Variants in CDH9 observed in about 807,000 individuals in gnomAD.
CDH9 encodes the protein cadherin-9.
CDH9 carries 28 observed loss-of-function variants against 70.9 expected under a neutral mutation model. The observed-to-expected ratio is 0.40, with a 90% CI of 0.29 to 0.54. CDH9 has a LOEUF of 0.54. Ranked by LOEUF, CDH9 falls within the 20% of genes least tolerant of loss-of-function variation. CDH9 has a pLI of 0.59. For missense variants in CDH9, 874 were observed against 984.4 expected, an observed-to-expected ratio of 0.89 and a Z score of 1.50; for synonymous variants, 409 against 343.1, an observed-to-expected ratio of 1.19 and a Z score of -2.12.
Position 26,881,197 on chromosome 5 carries a change from C to A in CDH9, c.2309G>T (p.Trp770Leu), listed in dbSNP as rs1342748030. Residue 770 changes from tryptophan to leucine, a missense_variant, in exon 12 of 12, where the codon TGG becomes TTG. Trp to Leu is a moderately conservative substitution (Grantham distance 61, BLOSUM62 -2). Transcript: ENST00000231021. ...GGCAAGTTTTTTGAAACGAGGCCCCCAGTCACTGAGGTAATCATAATCTTG... is the reference window on the plus strand; with the variant it reads ...GGCAAGTTTTTTGAAACGAGGCCCCAAGTCACTGAGGTAATCATAATCTTG... ...CNQDYDYLSD[W>L]GPRFKKLADM... 8.7e-6 allele frequency: 14 copies of A among 1,613,030 alleles called. No homozygotes were observed.
At chr5:27,013,942 A>C (rs1014857984) in intron 1 of CDH9, among the ~76,000 whole-genome samples, 13 of 152,022 alleles carry the variant, frequency 8.6e-5, no homozygotes, top group African/African-American at 3.1e-4. Context: ...GAAAGCAGAA[A>C]TAAGCTTTGA....
At chr5:26,919,581 C>T (rs906175393) in intron 2 of CDH9, among the ~76,000 whole-genome samples, 8 of 152,120 alleles carry the variant, frequency 5.3e-5, no homozygotes, top group African/African-American at 1.9e-4. Flanking sequence ...TAGTGAGACA[C>T]CAACTAGGGC....
intron 1 of CDH9, among the ~76,000 whole-genome samples, chr5:27,016,676 C>T (rs915396342): frequency 1.3e-5 from 2 of 151,602 alleles, no homozygotes; most frequent in African/African-American, 4.8e-5. Context: ...TGCAAATTAT[C>T]CATAAAATAA....
chr5:27,033,139 A>G (rs1054632448), intron 1 of CDH9, among the ~76,000 whole-genome samples: 6 of 151,294 alleles, frequency 4.0e-5, no homozygotes, highest in Non-Finnish European at 8.9e-5. Flanking sequence ...ACCATTGTAG[A>G]TGGACTATAA....
intron 2 of CDH9, among the ~76,000 whole-genome samples, chr5:26,924,727 G>A (rs547387488): frequency 1.8e-4 from 27 of 151,816 alleles, no homozygotes; most frequent in Admixed American, 8.6e-4. Flanking sequence ...GACAGGCCCC[G>A]GTGTGTGATG....
intron 2 of CDH9, among the ~76,000 whole-genome samples, chr5:26,950,074 T>C (rs1284944997): frequency 6.6e-6 from 1 of 152,116 alleles, no homozygotes; most frequent in East Asian, 1.9e-4. Flanking sequence ...TTCTAATGGT[T>C]TGGATATCCC....
At chr5:26,903,566 T>A (rs1740893179) in intron 6 of CDH9, 71 bp downstream of exon 6, 1 of 998,484 alleles carries the variant, frequency 1.0e-6, no homozygotes, top group African/African-American at 1.6e-5. Flanking sequence ...CCAGGCTTTT[T>A]TTCCCTTTAC....
At chr5:26,906,660 T>A (rs1440863933) in intron 4 of CDH9, 59 bp downstream of exon 4, 2 of 1,552,902 alleles carry the variant, frequency 1.3e-6, no homozygotes, top group East Asian at 2.3e-5. Flanking sequence ...AATCTCTAAA[T>A]TAATTATGCA....
intron 7 of CDH9, among the ~76,000 whole-genome samples, chr5:26,893,862 TA>T (rs1740702861): frequency 6.6e-6 from 1 of 152,146 alleles, no homozygotes; most frequent in Admixed American, 6.5e-5. Context: ...CCAGTTGTGC[TA>T]ACATGAAACA....
At chr5:27,029,986 T>C (rs1224322685) in intron 1 of CDH9, among the ~76,000 whole-genome samples, 1 of 152,012 alleles carries the variant, frequency 6.6e-6, no homozygotes, top group Admixed American at 6.6e-5. Flanking sequence ...TTTGCCACTT[T>C]GTCTCTCCAC....
chr5:27,026,080 C>A (rs1743215512), intron 1 of CDH9, among the ~76,000 whole-genome samples: 2 of 151,494 alleles, frequency 1.3e-5, no homozygotes, highest in East Asian at 1.9e-4. Flanking sequence ...TTATTAATAG[C>A]AATATTTAAT....
intron 7 of CDH9, among the ~76,000 whole-genome samples, chr5:26,894,319 C>CT (rs1740710504): frequency 6.6e-6 from 1 of 152,070 alleles, no homozygotes. Context: ...GATGGTATTT[C>CT]TATAACTGAG....
intron 2 of CDH9, among the ~76,000 whole-genome samples, chr5:26,927,395 G>A (rs10072177): frequency 0.096 from 14,551 of 152,040 alleles, 876 homozygotes; most frequent in East Asian, 0.17. Flanking sequence ...TCACAGAGCA[G>A]TTAAACAAGA....
chr5:26,943,305 A>G (rs1402378491), intron 2 of CDH9, among the ~76,000 whole-genome samples: 2 of 152,092 alleles, frequency 1.3e-5, no homozygotes, highest in African/African-American at 4.8e-5. Context: ...TGAGGTCGGG[A>G]GTTTGAGACC....
At chr5:26,986,819 A>C (rs1742495392) in intron 2 of CDH9, among the ~76,000 whole-genome samples, 1 of 152,084 alleles carries the variant, frequency 6.6e-6, no homozygotes, top group Admixed American at 6.6e-5. Flanking sequence ...GGGATGCCTG[A>C]GGATGCCATA....
chr5:26,906,584 C>A, intron 4 of CDH9, 135 bp downstream of exon 4: 1 of 1,300,776 alleles, frequency 7.7e-7, no homozygotes, highest in Non-Finnish European at 1.0e-6. Context: ...TTGTTTACAT[C>A]CAATAATGAC....
intron 1 of CDH9, among the ~76,000 whole-genome samples, chr5:27,036,448 A>G (rs1743393951): frequency 6.6e-6 from 1 of 152,074 alleles, no homozygotes; most frequent in South Asian, 2.1e-4. Flanking sequence ...GGTATGAGAC[A>G]TTTTTATTTC....
chr5:26,947,539 C>T (rs562942525), intron 2 of CDH9, among the ~76,000 whole-genome samples: 19 of 152,224 alleles, frequency 1.2e-4, no homozygotes, highest in African/African-American at 4.6e-4. Flanking sequence ...TTATGTATAG[C>T]TTATTCAAAA....
chr5:26,885,649 A>C lies in CDH9; in HGVS notation c.1847T>G (p.Leu616Arg). The change falls in exon 11 of 12, where the codon CTC (leucine) becomes CGC (arginine). Residue 616 changes from leucine to arginine, a missense_variant. Leu to Arg is a moderately radical substitution (Grantham distance 102). Transcript: ENST00000231021. Reference protein sequence around the residue: ...ILSAGLSTGALVAILLCVLIL... With the variant: ...ILSAGLSTGARVAILLCVLIL... The stretch of plus-strand genomic sequence containing the variant: ...GAGGACACAGAGTAGAATCGCAACG[A>C]GAGCTCCCGTGCTCAGGCCGGCTGA... 6.2e-7 allele frequency: 1 copy of C among 1,613,674 alleles called. No individual in the cohort carries two copies. Among genetic ancestry groups the C allele is most frequent in the Non-Finnish European group, 8.5e-7 (1 of 1,179,876 alleles).
Sources: gnomAD v4.1 joint callset for allele counts (sites outside exome capture counted in the v4.1 genomes callset) on GRCh38, gnomAD v4.1.1 for gene constraint, MANE v1.5 for transcripts, NCBI Gene and HGNC (gene_info 2026-07-23, HGNC 2026-07-21) for gene names.